RHOH: variants seen among roughly 807,000 people sequenced by gnomAD.
The protein encoded by RHOH is ras homolog family member H.
Under a neutral mutation model 13.8 loss-of-function variants are expected in RHOH, and 6 were observed. The observed-to-expected ratio is 0.44, with a 90% CI of 0.24 to 0.86. The LOEUF (loss-of-function observed/expected upper bound fraction) is 0.86. Among genes scored for constraint, RHOH ranks in the 40% least tolerant of loss-of-function variants. The pLI, the probability that RHOH is intolerant of heterozygous loss-of-function variation, is 0.24. For synonymous variants in RHOH, 117 were observed against 103.0 expected, an observed-to-expected ratio of 1.14 and a Z score of -0.82; for missense variants, 147 against 244.5, an observed-to-expected ratio of 0.60 and a Z score of 2.66.
rs764016986 is a variant in RHOH, at chr4:40,243,542, C to A, written c.156C>A (p.Ile52=). 1.9e-6 allele frequency: 3 copies of A among 1,614,136 alleles called. No homozygotes were observed. Reference sequence around the variant, plus strand: ...ACGTCTTCATGGATGGCATCCAGATCAGCCTGGGCCTCTGGGACACAGCCG... The same window carrying A: ...ACGTCTTCATGGATGGCATCCAGATAAGCCTGGGCCTCTGGGACACAGCCG... ...GVDVFMDGIQ[I]SLGLWDTAGN... The change falls in exon 3 of 3, where the codon ATC becomes ATA. Residue 52 remains isoleucine, a synonymous_variant. Transcript: ENST00000381799. The surrounding 1 kb of genome is among the most constrained non-coding windows in gnomAD (Gnocchi z 6.2).
chr4:40,213,581 G>A (rs2109413969), intron 1 of RHOH, among the ~76,000 whole-genome samples: 1 of 152,210 alleles, frequency 6.6e-6, no homozygotes, highest in East Asian at 1.9e-4. Context: ...CAACAGATGT[G>A]AGGGCATAGT....
intron 1 of RHOH, among the ~76,000 whole-genome samples, chr4:40,221,432 A>G (rs1036882253): frequency 6.6e-6 from 1 of 152,198 alleles, no homozygotes; most frequent in African/African-American, 2.4e-5. Flanking sequence ...CCATTTTCCC[A>G]ACAGCGTATG....
chr4:40,223,835 C>T (rs546461166), intron 1 of RHOH, among the ~76,000 whole-genome samples: 30 of 138,012 alleles, frequency 2.2e-4, no homozygotes, highest in South Asian at 1.1e-3. Context: ...TGCAATGGCA[C>T]GATCTTGGCT....
chr4:40,215,785 T>C (rs1324340857), intron 1 of RHOH, among the ~76,000 whole-genome samples: 1 of 152,104 alleles, frequency 6.6e-6, no homozygotes, highest in Non-Finnish European at 1.5e-5. Context: ...CCTGGTGTGG[T>C]GGTGCATGCC....
chr4:40,235,140 G>A (rs1011345979), intron 1 of RHOH: 1 of 152,188 alleles, frequency 6.6e-6, no homozygotes, highest in African/African-American at 2.4e-5. Context: ...CACCACAAAG[G>A]TGGTAACCTT....
At chr4:40,219,868 G>A (rs1206107329) in intron 1 of RHOH, among the ~76,000 whole-genome samples, 2 of 152,096 alleles carry the variant, frequency 1.3e-5, no homozygotes, top group African/African-American at 4.8e-5. Context: ...CAGCAAAGTA[G>A]TATGCTGTTG....
chr4:40,203,238 C>T (rs995829905), intron 1 of RHOH, among the ~76,000 whole-genome samples: 5 of 152,204 alleles, frequency 3.3e-5, no homozygotes, highest in African/African-American at 1.2e-4. Context: ...TCCCAAAGTG[C>T]TGGGATTACA....
chr4:40,202,292 A>G (rs1370555223), intron 1 of RHOH, among the ~76,000 whole-genome samples: 1 of 152,186 alleles, frequency 6.6e-6, no homozygotes, highest in Non-Finnish European at 1.5e-5. Flanking sequence ...GATGGTTATG[A>G]AAATATGTTT....
chr4:40,206,570 CTT>C (rs1331992812), intron 1 of RHOH, among the ~76,000 whole-genome samples: 2 of 116,754 alleles, frequency 1.7e-5, no homozygotes, highest in Non-Finnish European at 4.1e-5. Context: ...AAGCTCTACT[CTT>C]TGGGCAGTAA....
At position 40,243,791 on chromosome 4, in the gene RHOH, A is replaced by G. The variant is rs1240657295; in HGVS notation, c.405A>G (p.Glu135=). 6.2e-7 allele frequency: 1 copy of G among 1,614,018 alleles called. No homozygotes were observed. Among genetic ancestry groups the G allele is most frequent in the African/African-American group, 1.3e-5 (1 of 74,926 alleles). The change falls in exon 3 of 3, where the codon GAA becomes GAG. Residue 135 remains glutamate (E), a synonymous_variant. Transcript: ENST00000381799. The surrounding 1 kb of genome is among the most constrained non-coding windows in gnomAD (Gnocchi z 6.2). ...GGGCCTCCTGCGTCAATGCCATGGAAGGGAAGAAACTGGCCCAGGATGTCA... is the reference window on the plus strand; with the variant it reads ...GGGCCTCCTGCGTCAATGCCATGGAGGGGAAGAAACTGGCCCAGGATGTCA... ...PHRASCVNAM[E]GKKLAQDVRA... is the part of the protein sequence containing the mutation.
upstream of RHOH, among the ~76,000 whole-genome samples, chr4:40,194,545 A>ATT (rs1320115985): frequency 2.0e-5 from 3 of 151,736 alleles, no homozygotes; most frequent in Non-Finnish European, 4.4e-5. Context: ...CATTGTTATT[A>ATT]TTAGTATTAT....
intron 1 of RHOH, among the ~76,000 whole-genome samples, chr4:40,232,386 G>A (rs1307748860): frequency 1.0e-5 from 1 of 100,158 alleles, no homozygotes; most frequent in Non-Finnish European, 2.4e-5. Context: ...CACCATGCCT[G>A]GCTAATTTTT....
At chr4:40,237,299 C>CA (rs1234535387) in intron 1 of RHOH, among the ~76,000 whole-genome samples, 2 of 152,036 alleles carry the variant, frequency 1.3e-5, no homozygotes, top group African/African-American at 2.4e-5. Context: ...CTAAAAAATA[C>CA]AAAAAAATAG....
intron 1 of RHOH, among the ~76,000 whole-genome samples, chr4:40,198,365 T>G (rs1295434211): frequency 6.6e-6 from 1 of 152,174 alleles, no homozygotes; most frequent in Non-Finnish European, 1.5e-5. Context: ...AGACAGTTTG[T>G]TTTACACATT....
chr4:40,241,835 A>G (rs1278941693), intron 1 of RHOH, among the ~76,000 whole-genome samples: 1 of 152,210 alleles, frequency 6.6e-6, no homozygotes, highest in Admixed American at 6.5e-5. Flanking sequence ...GGCTGCAGTG[A>G]GCTGTGATGA....
chr4:40,243,941 C>T lies in RHOH; in HGVS notation c.555C>T (p.Ile185=). Residue 185 remains isoleucine, a synonymous_variant, in exon 3 of 3, where the codon ATC becomes ATT. Coordinates refer to ENST00000381799, the MANE Select transcript of RHOH (RefSeq NM_004310.5). The surrounding 1 kb of genome is among the most constrained non-coding windows in gnomAD (Gnocchi z 6.2). ...RRRNRRRLFS[I]NECKIF is the part of the protein sequence containing the mutation. ...GAAACAGAAGGAGGCTCTTCTCCAT[C>T]AATGAGTGCAAGATCTTCTAAACCC... 6.2e-7 allele frequency: 1 copy of T among 1,613,364 alleles called. No homozygotes were observed. Among genetic ancestry groups the T allele is most frequent in the Non-Finnish European group, 8.5e-7 (1 of 1,179,590 alleles).
rs575764046 is a variant in RHOH at position 40,204,303 on chromosome 4, A to G, written c.-331+7003A>G. 1.8e-4 allele frequency among the ~76,000 whole-genome samples: 28 copies of G among 152,356 alleles called. No homozygotes were observed. The South Asian group carries it at 5.6e-3, about 30-fold the overall frequency. On this transcript the variant is annotated intron_variant, in intron 1 of 2. Transcript: ENST00000381799. Reference sequence around the variant, plus strand: ...GATGTGGTAAATCAAGGATAAGTTAACAACCCATCTTCACATTGGAGGCGC... The same window carrying G: ...GATGTGGTAAATCAAGGATAAGTTAGCAACCCATCTTCACATTGGAGGCGC...
At chr4:40,199,771 T>C (rs1560680463) in intron 1 of RHOH, among the ~76,000 whole-genome samples, 1 of 152,190 alleles carries the variant, frequency 6.6e-6, no homozygotes, top group Non-Finnish European at 1.5e-5. Context: ...GTGGGGATCA[T>C]TGTGGCAGTG....
At chr4:40,195,346 T>G (rs1224096207), upstream of RHOH, among the ~76,000 whole-genome samples, 3 of 147,762 alleles carry the variant, frequency 2.0e-5, no homozygotes, top group Non-Finnish European at 4.5e-5. Context: ...TTTCTTTCCT[T>G]TCTTTCTTTT....
Sources: allele counts gnomAD v4.1 joint callset (sites outside exome capture counted in the v4.1 genomes callset), GRCh38; gene constraint gnomAD v4.1.1; non-coding constraint Gnocchi (gnomAD v3.1); transcripts MANE v1.5; gene names NCBI Gene and HGNC (gene_info 2026-07-23, HGNC 2026-07-21).